The following OXR1 variants were observed in gnomAD, a reference collection of about 807,000 sequenced individuals.
OXR1 encodes oxidation resistance 1.
A neutral mutation model predicts 104.6 loss-of-function variants in OXR1; 41 were observed. That is an observed-to-expected ratio of 0.39 (90% CI 0.31 to 0.51). The LOEUF (loss-of-function observed/expected upper bound fraction) is 0.51. Ranked by LOEUF, OXR1 falls within the 20% of genes least tolerant of loss-of-function variation. The pLI, the probability that OXR1 is intolerant of heterozygous loss-of-function variation, is 0.77. For missense variants in OXR1, 955 were observed against 1,031.9 expected, an observed-to-expected ratio of 0.93 and a Z score of 1.02; for synonymous variants, 348 against 348.4, an observed-to-expected ratio of 1.00 and a Z score of 0.01.
At chr8:106,429,384 G>A (rs1480689123) in intron 2 of OXR1, among the ~76,000 whole-genome samples, 1 of 152,142 alleles carries the variant, frequency 6.6e-6, no homozygotes, top group Non-Finnish European at 1.5e-5. Flanking sequence ...TTTAGGCCGG[G>A]CATAGTGGCT....
intron 3 of OXR1, among the ~76,000 whole-genome samples, chr8:106,601,590 T>G (rs1395935602): frequency 6.6e-6 from 1 of 152,222 alleles, no homozygotes; most frequent in Non-Finnish European, 1.5e-5. Context: ...CGTCTCCTAA[T>G]ATTATCCTAT....
intron 2 of OXR1, among the ~76,000 whole-genome samples, chr8:106,425,956 A>G (rs1819100870): frequency 6.6e-6 from 1 of 152,224 alleles, no homozygotes; most frequent in Non-Finnish European, 1.5e-5. Flanking sequence ...AGGAACAGCA[A>G]GGGAGCTGCA....
intron 3 of OXR1, among the ~76,000 whole-genome samples, chr8:106,579,552 C>T (rs1818091342): frequency 6.6e-6 from 1 of 152,160 alleles, no homozygotes; most frequent in Non-Finnish European, 1.5e-5. Flanking sequence ...AGCTTGCTGG[C>T]TCTGGAGCAC....
chr8:106,682,323 C>T (rs2131230616), intron 4 of OXR1, among the ~76,000 whole-genome samples: 1 of 141,814 alleles, frequency 7.1e-6, no homozygotes, highest in Non-Finnish European at 1.5e-5. Flanking sequence ...GACTGGAGTG[C>T]AGTGGCGCAA....
At chr8:106,284,821 G>C (rs1812427235) in intron 1 of OXR1, among the ~76,000 whole-genome samples, 1 of 151,430 alleles carries the variant, frequency 6.6e-6, no homozygotes, top group East Asian at 1.9e-4. Context: ...TAAAAAAAAA[G>C]GCTGTTAAAA....
At chr8:106,724,693 T>C (rs1260373684) in intron 11 of OXR1, among the ~76,000 whole-genome samples, 1 of 152,116 alleles carries the variant, frequency 6.6e-6, no homozygotes, top group East Asian at 1.9e-4. Context: ...GCCACTGATT[T>C]AGGTCTCTAA....
intron 3 of OXR1, among the ~76,000 whole-genome samples, chr8:106,627,973 ACTC>A (rs1253973090): frequency 2.6e-5 from 4 of 152,060 alleles, no homozygotes; most frequent in Admixed American, 2.0e-4. Flanking sequence ...TCCTAACTGG[ACTC>A]CTACCTTTCA....
intron 3 of OXR1, among the ~76,000 whole-genome samples, chr8:106,546,545 T>C (rs1815372551): frequency 1.3e-5 from 2 of 152,254 alleles, no homozygotes; most frequent in African/African-American, 4.8e-5. Flanking sequence ...TTTTGAGACC[T>C]TCGGTATTTA....
chr8:106,366,239 C>T (rs1816463314), intron 2 of OXR1, among the ~76,000 whole-genome samples: 1 of 152,164 alleles, frequency 6.6e-6, no homozygotes, highest in Non-Finnish European at 1.5e-5. Context: ...TGAAATAAGA[C>T]TTTTCATCAT....
At chr8:106,486,138 T>A (rs976213862) in intron 2 of OXR1, among the ~76,000 whole-genome samples, 1 of 152,150 alleles carries the variant, frequency 6.6e-6, no homozygotes, top group Non-Finnish European at 1.5e-5. Context: ...TCACGAGATA[T>A]GTGAAGTAAT....
intron 3 of OXR1, among the ~76,000 whole-genome samples, chr8:106,590,606 C>G (rs1819006415): frequency 6.6e-6 from 1 of 152,152 alleles, no homozygotes; most frequent in African/African-American, 2.4e-5. Flanking sequence ...TTTTTAGTTA[C>G]TCGACATCTT....
At chr8:106,292,723 C>T (rs1215528930) in intron 1 of OXR1, among the ~76,000 whole-genome samples, 3 of 152,088 alleles carry the variant, frequency 2.0e-5, no homozygotes, top group Non-Finnish European at 2.9e-5. Context: ...GAAGATTGAC[C>T]TGAGAGTAGA....
At chr8:106,395,330 TGAGACTGG>T (rs1265875372) in intron 2 of OXR1, among the ~76,000 whole-genome samples, 1 of 152,066 alleles carries the variant, frequency 6.6e-6, no homozygotes, top group Non-Finnish European at 1.5e-5. Flanking sequence ...AAGACATACT[TGAGACTGG>T]GAAGAAAAAG....
In OXR1 at chr8:106,270,313, T is replaced by C. The variant is rs1046589610; in HGVS notation, c.-193T>C. On this transcript the variant is annotated 5_prime_UTR_variant, in exon 1 of 17. Transcript: ENST00000517566. ...CCCAGCCCCGCCGAGAGGGGCGCAC[T>C]CGCCGCCGCGGGGCCCGCCGCCGCT... 3 of 152,280 alleles carry C rather than the reference T, an allele frequency of 2.0e-5. No individual in the cohort carries two copies. The highest frequency in any genetic ancestry group is 4.4e-5 in the Non-Finnish European group (3 of 68,334). The allele number at this position is 152,280 out of a possible 1,614,324, so 9.4% of individuals were successfully genotyped here.
At chr8:106,501,032 T>G (rs1811774695) in intron 2 of OXR1, among the ~76,000 whole-genome samples, 1 of 152,188 alleles carries the variant, frequency 6.6e-6, no homozygotes, top group African/African-American at 2.4e-5. Flanking sequence ...TGAAAGGGAA[T>G]TGTGAGTTGA....
chr8:106,461,728 A>G (rs1820929520), intron 2 of OXR1, among the ~76,000 whole-genome samples: 1 of 152,138 alleles, frequency 6.6e-6, no homozygotes, highest in Non-Finnish European at 1.5e-5. Context: ...CTGTCTTGTC[A>G]CCTGCAGATT....
chr8:106,678,521 T>G (rs1827824344), intron 3 of OXR1, among the ~76,000 whole-genome samples: 2 of 152,044 alleles, frequency 1.3e-5, no homozygotes, highest in Non-Finnish European at 2.9e-5. Flanking sequence ...TCAGTGTTGT[T>G]ATTACATGAA....
chr8:106,599,464 G>A lies in OXR1; in HGVS notation c.221-79746G>A, dbSNP rs140775919. On this transcript the variant is annotated intron_variant, in intron 3 of 16. Transcript: ENST00000517566. ...CTGGATCATATTTATTCCTCAACCA[G>A]GAACAAAAGGAGATTCTTTAATTTT... Among the ~76,000 whole-genome samples, 659 of 152,130 alleles carry A rather than the reference G, an allele frequency of 4.3e-3. 1 individual carries two copies. Among genetic ancestry groups the A allele is most frequent in the African/African-American group, 0.015 (610 of 41,498 alleles).
intron 3 of OXR1, among the ~76,000 whole-genome samples, chr8:106,632,304 G>A (rs139853517): frequency 5.3e-4 from 81 of 152,292 alleles, no homozygotes; most frequent in African/African-American, 1.8e-3. Flanking sequence ...AACATGTTCT[G>A]TGTCTTTTAT....
Sources: gnomAD v4.1 joint callset for allele counts (sites outside exome capture counted in the v4.1 genomes callset) on GRCh38, gnomAD v4.1.1 for gene constraint, MANE v1.5 for transcripts, NCBI Gene and HGNC (gene_info 2026-07-23, HGNC 2026-07-21) for gene names.